MROH9: variants seen among roughly 807,000 people sequenced by gnomAD.
The protein encoded by MROH9 is maestro heat like repeat family member 9.
A neutral mutation model predicts 98.2 loss-of-function variants in MROH9; 92 were observed. That is an observed-to-expected ratio of 0.94 (90% confidence interval 0.79 to 1.11). MROH9 has a LOEUF of 1.11. Ranked by LOEUF, MROH9 falls within the 50% of genes most tolerant of loss-of-function variation. The pLI is 0.00. For synonymous variants in MROH9, 397 were observed against 368.9 expected, an observed-to-expected ratio of 1.08 and a Z score of -0.87; for missense variants, 1,057 against 1,014.8, an observed-to-expected ratio of 1.04 and a Z score of -0.57.
intron 15 of MROH9, among the ~76,000 whole-genome samples, chr1:171,002,262 G>C (rs1651808425): frequency 6.6e-6 from 1 of 152,020 alleles, no homozygotes; most frequent in Non-Finnish European, 1.5e-5. Flanking sequence ...TGAAATGTGA[G>C]GTACTGTTGC....
chr1:170,986,426 C>A, intron 9 of MROH9, 135 bp from the exon 10 acceptor site: 1 of 689,384 alleles, frequency 1.5e-6, no homozygotes, highest in Non-Finnish European at 2.3e-6. Context: ...AGAGAGACTC[C>A]AACAAGATGT....
At chr1:171,043,411 G>T (rs189426067) in intron 20 of MROH9, among the ~76,000 whole-genome samples, 9 of 152,190 alleles carry the variant, frequency 5.9e-5, no homozygotes, top group Middle Eastern at 3.4e-3. Flanking sequence ...CAGGTAATGT[G>T]ATTCCTCCAG....
At chr1:171,031,934 C>A (rs989686002) in intron 20 of MROH9, among the ~76,000 whole-genome samples, 3 of 152,120 alleles carry the variant, frequency 2.0e-5, no homozygotes, top group Non-Finnish European at 4.4e-5. Flanking sequence ...TAGATTTGAT[C>A]TTTTTATGAA....
chr1:171,007,218 T>TGGCTGG (rs1651989899), intron 15 of MROH9, among the ~76,000 whole-genome samples: 1 of 152,204 alleles, frequency 6.6e-6, no homozygotes, highest in African/African-American at 2.4e-5. Context: ...GACTTGTGGT[T>TGGCTGG]GGCTGGTCTG....
chr1:171,028,359 G>A (rs142534078), intron 20 of MROH9, among the ~76,000 whole-genome samples: 82 of 152,228 alleles, frequency 5.4e-4, no homozygotes, highest in African/African-American at 1.8e-3. Context: ...TTATTTCTGA[G>A]GTCTCTGTTC....
chr1:171,021,349 A>C (rs1381463873), intron 17 of MROH9, among the ~76,000 whole-genome samples: 4 of 152,174 alleles, frequency 2.6e-5, no homozygotes, highest in Non-Finnish European at 4.4e-5. Context: ...ATGGTACCTG[A>C]CTTCAAACTA....
chr1:171,057,202 G>T (rs987171734), intron 20 of MROH9, among the ~76,000 whole-genome samples: 1 of 152,166 alleles, frequency 6.6e-6, no homozygotes, highest in African/African-American at 2.4e-5. Context: ...CCAATGCAAA[G>T]AAGCTAAAAA....
At position 171,031,275 on chromosome 1, in the gene MROH9, C is replaced by T. The variant is rs913905964; in HGVS notation, c.2281+5855C>T. Among the ~76,000 whole-genome samples, 3 of 152,144 alleles carry T rather than the reference C, an allele frequency of 2.0e-5. No homozygotes were observed. The South Asian group carries it at 6.2e-4, about 31-fold the overall frequency. On this transcript the variant is annotated intron_variant, in intron 20 of 21. Transcript: ENST00000367759. ...TGTCTTTTAACTGGGGCATTTAGAC[C>T]ATTTACATTTAAGGTTAATATTTTT...
In MROH9 at chr1:170,968,158, A is replaced by G. The variant is rs1349926195; in HGVS notation, c.480+2903A>G. 2.6e-5 allele frequency among the ~76,000 whole-genome samples: 4 copies of G among 152,142 alleles called. No homozygotes were observed. In the East Asian group the frequency reaches 7.7e-4, roughly 29 times the overall value. On this transcript the variant is annotated intron_variant, in intron 7 of 21. Transcript: ENST00000367759. The stretch of plus-strand genomic sequence containing the variant: ...GAAAGAAAAGTAGTGTGCCCTGTAG[A>G]ACCCTAGAGAGTGAGTTATGAAAGG...
At chr1:171,026,205 A>G (rs1183616090) in intron 20 of MROH9, among the ~76,000 whole-genome samples, 2 of 151,798 alleles carry the variant, frequency 1.3e-5, no homozygotes, top group Non-Finnish European at 2.9e-5. Flanking sequence ...AGACACAGGC[A>G]CGTGCGCGCA....
intron 1 of MROH9, among the ~76,000 whole-genome samples, chr1:170,941,733 C>T (rs1182454341): frequency 6.6e-6 from 1 of 152,174 alleles, no homozygotes; most frequent in Admixed American, 6.5e-5. Context: ...CAGAAAAGAG[C>T]AAGCACAGAG....
chr1:171,026,629 G>T lies in MROH9; in HGVS notation c.2281+1209G>T, dbSNP rs548729968. 2.6e-5 allele frequency among the ~76,000 whole-genome samples: 4 copies of T among 152,148 alleles called. No individual in the cohort carries two copies. The East Asian group carries it at 7.7e-4, about 29-fold the overall frequency. On this transcript the variant is annotated intron_variant, in intron 20 of 21. Coordinates refer to ENST00000367759, the MANE Select transcript of MROH9 (RefSeq NM_001163629.2). ...CCCTGCTATCCTGAATTCTACCTTG[G>T]AAGTTCCCACAAATAAACCTCTGTA...
intron 20 of MROH9, among the ~76,000 whole-genome samples, chr1:171,042,644 C>T (rs1653344139): frequency 6.6e-6 from 1 of 152,118 alleles, no homozygotes; most frequent in Non-Finnish European, 1.5e-5. Flanking sequence ...TCCTCACCAG[C>T]ATTTGTTATT....
chr1:171,021,412 A>G (rs1652515310), intron 17 of MROH9, among the ~76,000 whole-genome samples: 1 of 152,198 alleles, frequency 6.6e-6, no homozygotes, highest in Admixed American at 6.5e-5. Context: ...CAAAACAGGT[A>G]TATAGACCAA....
intron 6 of MROH9, among the ~76,000 whole-genome samples, chr1:170,964,535 G>A (rs1461608985): frequency 6.6e-6 from 1 of 152,100 alleles, no homozygotes; most frequent in East Asian, 1.9e-4. Context: ...TGAGGCATAT[G>A]CAGTATTCTT....
At chr1:170,958,399 A>C in intron 3 of MROH9, 62 bp from the exon 4 acceptor site, 1 of 947,090 alleles carries the variant, frequency 1.1e-6, no homozygotes, top group Admixed American at 2.2e-5. Context: ...TGCTATTATG[A>C]GTCTCACTGC....
At chr1:171,004,705 T>C (rs555052435) in intron 15 of MROH9, among the ~76,000 whole-genome samples, 4 of 152,234 alleles carry the variant, frequency 2.6e-5, no homozygotes, top group East Asian at 1.9e-4. Context: ...GAGCTAAAAT[T>C]CACAATGCAG....
At chr1:170,945,674 C>T (rs1571436511) in intron 2 of MROH9, 93 bp downstream of exon 2, 1 of 1,070,914 alleles carries the variant, frequency 9.3e-7, no homozygotes, top group Non-Finnish European at 1.3e-6. Flanking sequence ...ACCTATACAT[C>T]ATTCTGTAAC....
chr1:170,936,755 C>T (rs777657610), intron 1 of MROH9, among the ~76,000 whole-genome samples: 8 of 151,714 alleles, frequency 5.3e-5, no homozygotes, highest in Non-Finnish European at 7.4e-5. Context: ...TCAGAGAGAC[C>T]GATGGGGTTG....
Sources: gnomAD v4.1 joint callset for allele counts (sites outside exome capture counted in the v4.1 genomes callset) on GRCh38, gnomAD v4.1.1 for gene constraint, MANE v1.5 for transcripts, NCBI Gene and HGNC (gene_info 2026-07-23, HGNC 2026-07-21) for gene names.